RHOT1: variants seen among roughly 807,000 people sequenced by gnomAD.
RHOT1 encodes the protein mitochondrial Rho GTPase 1.
Under a neutral mutation model 95.3 loss-of-function variants are expected in RHOT1, and 27 were observed. That is an observed-to-expected ratio of 0.28 (90% CI 0.21 to 0.39). The LOEUF is 0.39. Among genes scored for constraint, RHOT1 ranks in the 10% least tolerant of loss-of-function variants. The pLI, the probability that RHOT1 is intolerant of heterozygous loss-of-function variation, is 1.00. For missense variants in RHOT1, 578 were observed against 786.7 expected (o/e 0.73, Z 3.17); for synonymous variants, 227 against 263.5 (o/e 0.86, Z 1.34).
chr17:32,217,811 A>G lies in RHOT1; in HGVS notation c.1862+6573A>G, dbSNP rs1015993571. Among the ~76,000 whole-genome samples, 3 of 151,418 alleles carry G rather than the reference A, an allele frequency of 2.0e-5. No homozygotes were observed. In the Admixed American group the frequency reaches 2.0e-4, roughly 10 times the overall value. On this transcript the variant is annotated intron_variant, in intron 19 of 19. Transcript: ENST00000545287. ...ACCAGATTGAAACATTTGGAGAAAC[A>G]AAAGCAGAGAGTCCAGAAGACTTTT...
At chr17:32,223,695 T>A (rs2038972094) in intron 19 of RHOT1, among the ~76,000 whole-genome samples, 2 of 152,314 alleles carry the variant, frequency 1.3e-5, no homozygotes, top group South Asian at 4.1e-4. Flanking sequence ...ATTACAGGCA[T>A]GAGCCACTGC....
At chr17:32,222,282 G>A (rs2067137073) in intron 19 of RHOT1, among the ~76,000 whole-genome samples, 1 of 152,140 alleles carries the variant, frequency 6.6e-6, no homozygotes, top group African/African-American at 2.4e-5. Context: ...GTGAGTTTGG[G>A]ATGTTGGACT....
chr17:32,174,462 G>C (rs1317667202), intron 3 of RHOT1, among the ~76,000 whole-genome samples: 2 of 152,126 alleles, frequency 1.3e-5, no homozygotes, highest in African/African-American at 4.8e-5. Flanking sequence ...GCTACAATCA[G>C]TCTCATAACT....
intron 1 of RHOT1, chr17:32,150,998 C>T (rs1246301867): frequency 3.9e-6 from 6 of 1,534,862 alleles, no homozygotes; most frequent in Admixed American, 3.7e-5. Context: ...TTTGAATCGC[C>T]GGTTCCTAAA....
intron 1 of RHOT1, among the ~76,000 whole-genome samples, chr17:32,155,264 A>G (rs1254276512): frequency 6.6e-6 from 1 of 151,602 alleles, no homozygotes; most frequent in Non-Finnish European, 1.5e-5. Context: ...GGTTCACGCC[A>G]TTCTCCTGCC....
At chr17:32,152,283 G>A (rs532232300) in intron 1 of RHOT1, among the ~76,000 whole-genome samples, 157 of 152,332 alleles carry the variant, frequency 1.0e-3, no homozygotes, top group Non-Finnish European at 1.8e-3. Flanking sequence ...GTACTTTGGC[G>A]GGAGCCTGCT....
In RHOT1 at chr17:32,201,048, C is replaced by T; in HGVS notation, c.1193C>T (p.Ala398Val). 6.3e-7 allele frequency: 1 copy of T among 1,591,260 alleles called. No individual in the cohort carries two copies. The highest frequency in any genetic ancestry group is 8.6e-7 in the Non-Finnish European group (1 of 1,165,818). ...ILTEQESQAS[A>V]VTVTRDKKID... is the part of the protein sequence containing the mutation. ...ACTGAGCAAGAGTCTCAAGCTTCAGCTGTTACAGGTAAGTATCTAGATACT... is the reference window on the plus strand; with the variant it reads ...ACTGAGCAAGAGTCTCAAGCTTCAGTTGTTACAGGTAAGTATCTAGATACT... Residue 398 changes from alanine (A) to valine (V), a missense_variant, in exon 14 of 20, where the codon GCT (alanine) becomes GTT (valine). This residue lies in a region of RHOT1 where 296 missense variants were observed against 338.5 expected (regional missense o/e 0.87). Coordinates refer to ENST00000545287, the MANE Select transcript of RHOT1 (RefSeq NM_001033566.3).
In RHOT1 at chr17:32,149,635, A is replaced by ATATATATG. The variant is rs1445281403; in HGVS notation, c.37+6907_37+6908insATATATGT. 4.1e-3 allele frequency among the ~76,000 whole-genome samples: 240 copies of ATATATATG among 58,958 alleles called. 2 individuals are homozygous for ATATATATG. Among genetic ancestry groups the ATATATATG allele is most frequent in the Non-Finnish European group, 6.8e-3 (198 of 29,144 alleles). 38.7% of individuals were successfully genotyped at this position (58,958 alleles called of 152,430 possible). On this transcript the variant is annotated intron_variant, in intron 1 of 19. Transcript: ENST00000545287. ...TATATATATATATATATATATATAT[A>ATATATATG]TGTGTGTGTGTGTGTGTGTGTGTGT...
chr17:32,216,527 A>C lies in RHOT1; in HGVS notation c.1862+5289A>C, dbSNP rs566010565. On this transcript the variant is annotated intron_variant, in intron 19 of 19. Transcript: ENST00000545287. Reference sequence around the variant, plus strand: ...CACACCGAATATTTACAGAGACCCAAAAGTATGATGGATAGACATCATACC... The same window carrying C: ...CACACCGAATATTTACAGAGACCCACAAGTATGATGGATAGACATCATACC... 7.9e-5 allele frequency among the ~76,000 whole-genome samples: 12 copies of C among 152,278 alleles called. 1 individual carries two copies. The South Asian group carries it at 2.5e-3, about 32-fold the overall frequency.
intron 9 of RHOT1, 28 bp downstream of exon 9, chr17:32,192,327 C>T (rs769523862): frequency 2.3e-5 from 17 of 754,866 alleles, no homozygotes; most frequent in East Asian, 3.1e-5. Context: ...CAGACATTTG[C>T]GTATCTTTTT....
At chr17:32,175,548 G>T (rs1361030836) in intron 4 of RHOT1, among the ~76,000 whole-genome samples, 186 bp downstream of exon 4, 1 of 151,900 alleles carries the variant, frequency 6.6e-6, no homozygotes, top group African/African-American at 2.4e-5. Context: ...CCTCCATCTC[G>T]CAGGCTCAAG....
At chr17:32,158,272 G>C (rs929485422) in intron 1 of RHOT1, among the ~76,000 whole-genome samples, 1 of 152,156 alleles carries the variant, frequency 6.6e-6, no homozygotes, top group Non-Finnish European at 1.5e-5. Context: ...TAGGAGTCTA[G>C]ACAAAAAAGA....
chr17:32,193,268 C>T lies in RHOT1; in HGVS notation c.748+24C>T, dbSNP rs767498468. 4 of 1,460,846 alleles carry T rather than the reference C, an allele frequency of 2.7e-6. No homozygotes were observed. The Admixed American group carries it at 6.8e-5, about 25-fold the overall frequency. 90.5% of individuals were successfully genotyped at this position (1,460,846 alleles called of 1,614,324 possible). On this transcript the variant is annotated intron_variant, in intron 10 of 19. Coordinates refer to ENST00000545287, the MANE Select transcript of RHOT1 (RefSeq NM_001033566.3). ...AGGTGGGTAAATGGTATTTTTCCCC[C>T]TTTTGAAACTTAATATTTTCAAAAT...
rs542127785 is a variant in RHOT1 at position 32,184,575 on chromosome 17, C to T, written c.540+1303C>T. ...GTGTGATCACAGCTCACTGCAGCCT[C>T]AAGCTCCTGGGCTCAAGTGATCCTC... On this transcript the variant is annotated intron_variant, in intron 8 of 19. Coordinates refer to ENST00000545287, the MANE Select transcript of RHOT1 (RefSeq NM_001033566.3). 6.8e-4 allele frequency among the ~76,000 whole-genome samples: 103 copies of T among 152,184 alleles called. 1 individual carries two copies. The highest frequency in any genetic ancestry group is 2.3e-3 in the African/African-American group (97 of 41,514).
At chr17:32,153,733 G>T (rs1473642407) in intron 1 of RHOT1, among the ~76,000 whole-genome samples, 1 of 152,178 alleles carries the variant, frequency 6.6e-6, no homozygotes, top group Non-Finnish European at 1.5e-5. Context: ...CATGCTGGTG[G>T]TAGTTGTGAT....
Position 32,183,217 on chromosome 17 carries a change from C to T in RHOT1, c.485C>T (p.Ala162Val). ...LKNISELFYY[A>V]QKAVLHPTGP... is the part of the protein sequence containing the mutation. ...AACATATCAGAGCTCTTTTATTACG[C>T]ACAGAAAGCTGTTCTTCATCCTACA... is the stretch of plus-strand genomic sequence containing the variant. The change falls in exon 8 of 20, where the codon GCA becomes GTA. Residue 162 changes from alanine (A) to valine (V), a missense_variant. By Grantham distance (64) the Ala-to-Val change is moderately conservative. This residue lies in a region of RHOT1 where 227 missense variants were observed against 316.0 expected (regional missense o/e 0.72). Transcript: ENST00000545287. 6.4e-7 allele frequency: 1 copy of T among 1,558,318 alleles called. No individual in the cohort carries two copies. Among genetic ancestry groups the T allele is most frequent in the Non-Finnish European group, 8.7e-7 (1 of 1,149,376 alleles).
At chr17:32,173,711 A>T (rs79743579) in intron 2 of RHOT1, 120 bp from the exon 3 acceptor site, 3 of 187,696 alleles carry the variant, frequency 1.6e-5, no homozygotes, top group South Asian at 1.3e-4. Context: ...AGACTCCATT[A>T]AAAAAAAAAA....
intron 19 of RHOT1, among the ~76,000 whole-genome samples, chr17:32,213,272 A>G (rs1263939324): frequency 6.6e-6 from 1 of 152,178 alleles, no homozygotes; most frequent in Non-Finnish European, 1.5e-5. Context: ...CATTTCAAAC[A>G]TTATTTCTGT....
chr17:32,204,465 G>A (rs1334351692), intron 16 of RHOT1, among the ~76,000 whole-genome samples: 16 of 148,700 alleles, frequency 1.1e-4, no homozygotes, highest in Admixed American at 3.4e-4. Flanking sequence ...CAAGAGAATC[G>A]CTTGAACCCA....
Sources: gnomAD v4.1 joint callset for allele counts (sites outside exome capture counted in the v4.1 genomes callset) on GRCh38, gnomAD v4.1.1 for gene constraint, gnomAD v4.1.1 regional missense constraint, MANE v1.5 for transcripts, NCBI Gene and HGNC (gene_info 2026-07-23, HGNC 2026-07-21) for gene names.